LAMA4: variants seen among roughly 807,000 people sequenced by gnomAD.
LAMA4 encodes laminin subunit alpha 4, also known as laminin subunit alpha-4.
Under a neutral mutation model 207.1 loss-of-function variants are expected in LAMA4, and 127 were observed. That is an observed-to-expected ratio of 0.61 (90% CI 0.53 to 0.71). The LOEUF is 0.71. LAMA4 is among the 30% of genes least tolerant of loss of function. LAMA4 has a pLI of 0.00. For missense variants in LAMA4, 2,093 were observed against 2,246.5 expected, an observed-to-expected ratio of 0.93 and a Z score of 1.38; for synonymous variants, 761 against 816.0, an observed-to-expected ratio of 0.93 and a Z score of 1.15.
At chr6:112,167,152 T>A (rs1554340238) in intron 12 of LAMA4, among the ~76,000 whole-genome samples, 2 of 152,218 alleles carry the variant, frequency 1.3e-5, no homozygotes, top group African/African-American at 4.8e-5. Flanking sequence ...GCTCTGTGGG[T>A]ACTTTTTTGG....
At chr6:112,144,980 T>C (rs1562657957) in intron 18 of LAMA4, 47 bp from the exon 19 acceptor site, 1 of 1,497,540 alleles carries the variant, frequency 6.7e-7, no homozygotes, top group Admixed American at 1.7e-5. Context: ...CTCAATATTA[T>C]ATTTCAAGAA....
chr6:112,121,992 G>A, intron 32 of LAMA4, 22 bp downstream of exon 32: 2 of 1,597,050 alleles, frequency 1.3e-6, no homozygotes, highest in African/African-American at 2.7e-5. Flanking sequence ...TAGGAGTCTA[G>A]GAGTATAGTG....
Position 112,241,164 on chromosome 6 carries a change from TATATATGA to T in LAMA4, c.195+12784_195+12791del, listed in dbSNP as rs1554187625. Among the ~76,000 whole-genome samples, 567 of 89,138 alleles carry T rather than the reference TATATATGA, an allele frequency of 6.4e-3. 58 individuals are homozygous for T. The highest frequency in any genetic ancestry group is 0.036 in the East Asian group (149 of 4,146). 58.5% of individuals were successfully genotyped at this position (89,138 alleles called of 152,430 possible). ...ATATATATATGAATATATATATGAA[TATATATGA>T]ATATATATGAATATATATGAATATA... is the stretch of plus-strand genomic sequence containing the variant. On this transcript the variant is annotated intron_variant, in intron 2 of 38. Transcript: ENST00000230538.
chr6:112,134,433 T>C, intron 26 of LAMA4, 34 bp downstream of exon 26: 1 of 1,611,554 alleles, frequency 6.2e-7, no homozygotes, highest in Non-Finnish European at 8.5e-7. Flanking sequence ...AGTACATTGC[T>C]AGGAACAAAC....
intron 5 of LAMA4, among the ~76,000 whole-genome samples, chr6:112,198,422 T>C (rs898612489): frequency 1.3e-5 from 2 of 152,144 alleles, no homozygotes; most frequent in Non-Finnish European, 2.9e-5. Context: ...AGTTCACAAA[T>C]ACATTGAAAG....
chr6:112,147,936 T>G (rs782736419), intron 18 of LAMA4, among the ~76,000 whole-genome samples: 1 of 152,244 alleles, frequency 6.6e-6, no homozygotes, highest in Non-Finnish European at 1.5e-5. Context: ...CCAATCCATC[T>G]AGTGTTCATA....
rs782077950 is a variant in LAMA4 at position 112,132,746 on chromosome 6, CACTT to C, written c.3834+3_3834+6del. 3.1e-6 allele frequency: 5 copies of C among 1,612,170 alleles called. No homozygotes were observed. Among genetic ancestry groups the C allele is most frequent in the African/African-American group, 2.7e-5 (2 of 74,962 alleles). On this transcript the variant is annotated splice_donor_5th_base_variant and intron_variant, in intron 28 of 38. Coordinates refer to ENST00000230538, the MANE Select transcript of LAMA4 (RefSeq NM_001105206.3). Reference sequence around the variant, plus strand: ...AGAAGTTTCCTCAGAGAAAAACAAACACTTACCCCTGAAGCATAATAGAATAGTA... The same window carrying C: ...AGAAGTTTCCTCAGAGAAAAACAAACACCCCTGAAGCATAATAGAATAGTA...
intron 16 of LAMA4, among the ~76,000 whole-genome samples, chr6:112,152,686 G>A (rs1369085367): frequency 2.0e-5 from 3 of 152,026 alleles, no homozygotes; most frequent in African/African-American, 7.2e-5. Flanking sequence ...TAGTCTTGAT[G>A]TGATTGGTTT....
At chr6:112,242,392 T>C (rs1786582029) in intron 2 of LAMA4, among the ~76,000 whole-genome samples, 1 of 152,242 alleles carries the variant, frequency 6.6e-6, no homozygotes. Flanking sequence ...TTATGTTTTT[T>C]GGGTCTTCCT....
intron 2 of LAMA4, among the ~76,000 whole-genome samples, chr6:112,220,551 T>C (rs893142189): frequency 6.6e-6 from 1 of 152,276 alleles, no homozygotes; most frequent in African/African-American, 2.4e-5. Context: ...GAAGGAATTA[T>C]TTCCAGAGGT....
At chr6:112,125,271 G>T (rs1778622828) in intron 31 of LAMA4, among the ~76,000 whole-genome samples, 1 of 152,176 alleles carries the variant, frequency 6.6e-6, no homozygotes, top group South Asian at 2.1e-4. Flanking sequence ...ATGCCCTTAG[G>T]TTTACATGTT....
At chr6:112,138,507 T>C (rs1375987013) in intron 24 of LAMA4, among the ~76,000 whole-genome samples, 1 of 152,142 alleles carries the variant, frequency 6.6e-6, no homozygotes, top group Non-Finnish European at 1.5e-5. Flanking sequence ...CTTTGAGCTG[T>C]ACAGTAGATA....
chr6:112,254,098 C>G lies in LAMA4; in HGVS notation c.53G>C (p.Ser18Thr), dbSNP rs1332737367. 6.2e-7 allele frequency: 1 copy of G among 1,612,564 alleles called. No homozygotes were observed. Among genetic ancestry groups the G allele is most frequent in the Non-Finnish European group, 8.5e-7 (1 of 1,179,852 alleles). ...RSVLPLWLLWSAACSRAASGD... is the reference protein window; with the variant it reads ...RSVLPLWLLWTAACSRAASGD... ...GGACGCGGCGCGGGAGCAGGCAGCGCTCCAGAGGAGCCACAGAGGCAGAAC... is the reference window on the plus strand; with the variant it reads ...GGACGCGGCGCGGGAGCAGGCAGCGGTCCAGAGGAGCCACAGAGGCAGAAC... The change falls in exon 2 of 39, where the codon AGC becomes ACC. Residue 18 changes from serine (S) to threonine (T), a missense_variant. Physicochemically the swap from Ser to Thr is moderately conservative, Grantham distance 58. Around this residue, in one of 3 missense-constraint regions of LAMA4, gnomAD observed 1,704 missense variants for 1,788.4 expected, o/e 0.95. Coordinates refer to ENST00000230538, the MANE Select transcript of LAMA4 (RefSeq NM_001105206.3).
Position 112,254,105 on chromosome 6 carries a change from G to A in LAMA4, c.46C>T (p.Leu16Phe). ...GCGCGGGAGCAGGCAGCGCTCCAGA[G>A]GAGCCACAGAGGCAGAACCGAGCGC... is the stretch of plus-strand genomic sequence containing the variant. ...AWRSVLPLWL[L>F]WSAACSRAAS... The change falls in exon 2 of 39, where the codon CTC becomes TTC. Residue 16 changes from leucine to phenylalanine, a missense_variant. Around this residue, in one of 3 missense-constraint regions of LAMA4, gnomAD observed 1,704 missense variants for 1,788.4 expected, o/e 0.95. Coordinates refer to ENST00000230538, the MANE Select transcript of LAMA4 (RefSeq NM_001105206.3). 6.2e-7 allele frequency: 1 copy of A among 1,612,894 alleles called. No individual in the cohort carries two copies. Among genetic ancestry groups the A allele is most frequent in the Non-Finnish European group, 8.5e-7 (1 of 1,179,914 alleles).
At chr6:112,145,333 A>G (rs1554334293) in intron 18 of LAMA4, among the ~76,000 whole-genome samples, 1 of 152,240 alleles carries the variant, frequency 6.6e-6, no homozygotes, top group Non-Finnish European at 1.5e-5. Context: ...ACAGAGGGAG[A>G]GCCAGGGCTC....
At chr6:112,247,251 AGTATCTAAAAG>A (rs1787020112) in intron 2 of LAMA4, among the ~76,000 whole-genome samples, 1 of 152,244 alleles carries the variant, frequency 6.6e-6, no homozygotes, top group African/African-American at 2.4e-5. Context: ...AAAGGAACTG[AGTATCTAAAAG>A]ATGGTCCAAT....
chr6:112,142,354 T>G, intron 19 of LAMA4, 62 bp from the exon 20 acceptor site: 1 of 1,492,794 alleles, frequency 6.7e-7, no homozygotes, highest in Admixed American at 1.7e-5. Flanking sequence ...TGCTTTCCCG[T>G]GCTTCCCTCA....
At chr6:112,152,709 C>T (rs1041518322) in intron 16 of LAMA4, among the ~76,000 whole-genome samples, 7 of 151,970 alleles carry the variant, frequency 4.6e-5, no homozygotes, top group Middle Eastern at 3.4e-3. Flanking sequence ...TGTTATCTTT[C>T]CCCCCCAGAT....
intron 9 of LAMA4, 84 bp from the exon 10 acceptor site, chr6:112,178,316 T>C (rs1782143599): frequency 2.2e-6 from 2 of 922,092 alleles, no homozygotes; most frequent in Admixed American, 1.9e-5. Context: ...GTGGGCATAA[T>C]GTATTTCCTA....
Sources: gnomAD v4.1 joint callset for allele counts (sites outside exome capture counted in the v4.1 genomes callset) on GRCh38, gnomAD v4.1.1 for gene constraint, gnomAD v4.1.1 regional missense constraint, MANE v1.5 for transcripts, NCBI Gene and HGNC (gene_info 2026-07-23, HGNC 2026-07-21) for gene names.